OLAH: variants seen among roughly 807,000 people sequenced by gnomAD.
OLAH encodes the protein S-acyl fatty acid synthase thioesterase, medium chain.
OLAH carries 33 observed loss-of-function variants against 27.8 expected under a neutral mutation model. The observed-to-expected ratio is 1.19, with a 90% CI of 0.90 to 1.59. The LOEUF (loss-of-function observed/expected upper bound fraction) is 1.59. Ranked by LOEUF, OLAH falls within the 40% of genes most tolerant of loss-of-function variation. The probability of loss-of-function intolerance (pLI) is 0.00; values close to 1 mark genes in which losing one functional copy is unlikely to be tolerated. For missense variants in OLAH, 359 were observed against 310.8 expected, an observed-to-expected ratio of 1.16 and a Z score of -1.17; for synonymous variants, 120 against 102.9, an observed-to-expected ratio of 1.17 and a Z score of -1.01.
intron 3 of OLAH, among the ~76,000 whole-genome samples, chr10:15,055,479 A>G (rs1481106110): frequency 6.6e-6 from 1 of 152,170 alleles, no homozygotes; most frequent in Non-Finnish European, 1.5e-5. Flanking sequence ...AAACTTTCCA[A>G]GTCTCGTCCT....
Position 15,049,741 on chromosome 10 carries a change from C to G in OLAH, c.139C>G (p.Gln47Glu). Reference sequence around the variant, plus strand: ...CTCCACTCATTTTGCCAAATGGGGCCAAGATACTCATGATTTGCTGGAAGG... The same window carrying G: ...CTCCACTCATTTTGCCAAATGGGGCGAAGATACTCATGATTTGCTGGAAGG... Reference protein sequence around the residue: ...GGSTHFAKWGQDTHDLLEVHS... With the variant: ...GGSTHFAKWGEDTHDLLEVHS... Residue 47 changes from glutamine to glutamate, a missense_variant, in exon 3 of 8, where the codon CAA becomes GAA. By Grantham distance (29) the Gln-to-Glu change is conservative. Coordinates refer to ENST00000378228, the MANE Select transcript of OLAH (RefSeq NM_001039702.3). The G allele has an allele frequency of 3.7e-6, 6 of 1,606,780 alleles. No homozygotes were observed. The highest frequency in any genetic ancestry group is 5.1e-6 in the Non-Finnish European group (6 of 1,178,204).
At chr10:15,037,937 C>A (rs557162716) in intron 1 of OLAH, among the ~76,000 whole-genome samples, 1 of 152,238 alleles carries the variant, frequency 6.6e-6, no homozygotes, top group Non-Finnish European at 1.5e-5. Flanking sequence ...CCTGGATGAA[C>A]CAGGAAAAAC....
At position 15,061,736 on chromosome 10, in the gene OLAH, G is replaced by A; in HGVS notation, c.176G>A (p.Arg59Lys). Residue 59 changes from arginine to lysine, a missense_variant, in exon 4 of 8, where the codon AGG (arginine) becomes AAG (lysine). Transcript: ENST00000378228. Reference sequence around the variant, plus strand: ...TCTCCATCTCCAGTGCACTCCTTAAGGCTTCCTGGAAGAGAAAGCAGAGTT... The same window carrying A: ...TCTCCATCTCCAGTGCACTCCTTAAAGCTTCCTGGAAGAGAAAGCAGAGTT... ...THDLLEVHSL[R>K]LPGRESRVEE... 6.2e-7 allele frequency: 1 copy of A among 1,611,966 alleles called. No individual in the cohort carries two copies. Among genetic ancestry groups the A allele is most frequent in the African/African-American group, 1.3e-5 (1 of 74,942 alleles).
At chr10:15,053,763 G>C (rs940648121) in intron 3 of OLAH, among the ~76,000 whole-genome samples, 2 of 151,722 alleles carry the variant, frequency 1.3e-5, no homozygotes, top group Non-Finnish European at 2.9e-5. Flanking sequence ...TGCCCAGGCT[G>C]GAGTGTGGTG....
chr10:15,068,313 T>C (rs1358466581), intron 6 of OLAH, among the ~76,000 whole-genome samples: 3 of 152,216 alleles, frequency 2.0e-5, no homozygotes, highest in South Asian at 2.1e-4. Flanking sequence ...CATCTGGGTC[T>C]TATCTGTGTC....
chr10:15,047,081 C>T (rs942172501), intron 1 of OLAH, 45 bp from the exon 2 acceptor site: 5 of 461,708 alleles, frequency 1.1e-5, no homozygotes, highest in Non-Finnish European at 7.7e-6. Context: ...TTTCTCTTCT[C>T]TGTCTTCTCC....
chr10:15,066,671 C>T (rs1164033145), intron 6 of OLAH, among the ~76,000 whole-genome samples: 1 of 151,056 alleles, frequency 6.6e-6, no homozygotes, highest in Non-Finnish European at 1.5e-5. Context: ...GATGGAGTCT[C>T]ACTTTGTCGC....
In OLAH at chr10:15,069,264, AAGC is replaced by A. The variant is rs1844532841; in HGVS notation, c.573-2525_573-2523del. Among the ~76,000 whole-genome samples the A allele has an allele frequency of 4.6e-5, 7 of 152,304 alleles. No individual in the cohort carries two copies. The South Asian group carries it at 1.5e-3, about 32-fold the overall frequency. Reference sequence around the variant, plus strand: ...GTGGAAGATTCCTGCCCCTTCCTGCAAGCAGCAGAACTCTGCTTGGTTTTGGTG... The same window carrying A: ...GTGGAAGATTCCTGCCCCTTCCTGCAAGCAGAACTCTGCTTGGTTTTGGTG... On this transcript the variant is annotated intron_variant, in intron 6 of 7. Transcript: ENST00000378228.
At position 15,047,261 on chromosome 10, in the gene OLAH, C is replaced by G; in HGVS notation, c.-28C>G. The G allele has an allele frequency of 6.2e-7, 1 of 1,612,778 alleles. No homozygotes were observed. Among genetic ancestry groups the G allele is most frequent in the Non-Finnish European group, 8.5e-7 (1 of 1,179,388 alleles). On this transcript the variant is annotated 5_prime_UTR_variant, in exon 2 of 8. Coordinates refer to ENST00000378228, the MANE Select transcript of OLAH (RefSeq NM_001039702.3). ...TGAGCACTCAACACGCCACAGAGAC[C>G]AGCCATCTTGCAACCTCACCTCACA...
intron 6 of OLAH, among the ~76,000 whole-genome samples, chr10:15,067,277 A>T (rs534927809): frequency 3.3e-5 from 5 of 152,210 alleles, no homozygotes; most frequent in African/African-American, 4.8e-5. Context: ...GAAACATGCC[A>T]TCTTTAGAGT....
intron 6 of OLAH, among the ~76,000 whole-genome samples, chr10:15,069,621 C>A (rs960241522): frequency 6.6e-6 from 1 of 152,192 alleles, no homozygotes; most frequent in South Asian, 2.1e-4. Flanking sequence ...AATCCCAGCA[C>A]CTTCAGAGGC....
intron 3 of OLAH, among the ~76,000 whole-genome samples, chr10:15,052,868 G>C (rs972063185): frequency 2.0e-5 from 3 of 151,016 alleles, no homozygotes; most frequent in African/African-American, 7.3e-5. Context: ...TCAGCCTCCT[G>C]AGTAGTTGGG....
upstream of OLAH, among the ~76,000 whole-genome samples, chr10:15,040,064 C>T (rs549564096): frequency 2.2e-4 from 33 of 152,260 alleles, no homozygotes; most frequent in African/African-American, 7.0e-4. Flanking sequence ...ACACACTTTC[C>T]CCATGCCCCA....
At chr10:15,049,867 T>A in intron 3 of OLAH, 102 bp downstream of exon 3, 1 of 1,114,354 alleles carries the variant, frequency 9.0e-7, no homozygotes, top group Non-Finnish European at 1.3e-6. Context: ...TGGTAGGTAA[T>A]TGATAATAAA....
At chr10:15,035,345 G>A (rs1031252453) in intron 1 of OLAH, among the ~76,000 whole-genome samples, 3 of 152,132 alleles carry the variant, frequency 2.0e-5, no homozygotes, top group African/African-American at 7.2e-5. Flanking sequence ...TGAGAAAAGA[G>A]ACTTACTGGC....
intron 3 of OLAH, among the ~76,000 whole-genome samples, chr10:15,051,771 CT>C (rs1396202999): frequency 6.6e-6 from 1 of 152,036 alleles, no homozygotes; most frequent in East Asian, 1.9e-4. Context: ...TTTTGCCAAA[CT>C]TTCCCTAATC....
chr10:15,053,503 C>T (rs1202380903), intron 3 of OLAH, among the ~76,000 whole-genome samples: 1 of 152,170 alleles, frequency 6.6e-6, no homozygotes, highest in African/African-American at 2.4e-5. Flanking sequence ...ACTGGGCATG[C>T]AGCCCCTCCC....
Position 15,066,647 on chromosome 10 carries a change from TTATTTATTTTTG to T in OLAH, c.572+895_572+906del, listed in dbSNP as rs1844474694. Among the ~76,000 whole-genome samples the T allele has an allele frequency of 6.4e-5, 6 of 93,870 alleles. No individual in the cohort carries two copies. The Admixed American group carries it at 6.7e-4, about 10-fold the overall frequency. 61.6% of individuals were successfully genotyped at this position (93,870 alleles called of 152,430 possible). A position where few individuals can be genotyped will look rare whatever the true frequency, so the allele number is the denominator to read the frequency against. ...TTTATTTATTTATTTATTTATTTATTTATTTATTTTTGAGATGGAGTCTCACTTTGTCGCCCA... is the reference window on the plus strand; with the variant it reads ...TTTATTTATTTATTTATTTATTTATTAGATGGAGTCTCACTTTGTCGCCCA... On this transcript the variant is annotated intron_variant, in intron 6 of 7. Transcript: ENST00000378228.
chr10:15,049,795 A>G (rs1201453499), intron 3 of OLAH, 30 bp downstream of exon 3: 5 of 1,590,810 alleles, frequency 3.1e-6, no homozygotes, highest in East Asian at 2.3e-5. Context: ...CATTTAAGCA[A>G]TTTAAAAGGG....
Sources: allele counts gnomAD v4.1 joint callset (sites outside exome capture counted in the v4.1 genomes callset), GRCh38; gene constraint gnomAD v4.1.1; transcripts MANE v1.5; gene names NCBI Gene and HGNC (gene_info 2026-07-23, HGNC 2026-07-21).